PTK2B: variants seen among roughly 807,000 people sequenced by gnomAD.
PTK2B encodes protein tyrosine kinase 2 beta.
A neutral mutation model predicts 142.9 loss-of-function variants in PTK2B; 71 were observed. The ratio of observed to expected loss-of-function variants is 0.50; its 90% CI spans 0.41 to 0.61. PTK2B has a LOEUF of 0.61. Ranked by LOEUF, PTK2B falls within the 20% of genes least tolerant of loss-of-function variation. PTK2B has a pLI of 0.00. For synonymous variants in PTK2B, 519 were observed against 503.4 expected (o/e 1.03, Z -0.42); for missense variants, 1,105 against 1,320.4 (o/e 0.84, Z 2.53).
chr8:27,376,510 A>C (rs1297395728), intron 1 of PTK2B, among the ~76,000 whole-genome samples: 1 of 152,222 alleles, frequency 6.6e-6, no homozygotes, highest in Admixed American at 6.5e-5. Flanking sequence ...AATGAGGCTG[A>C]GACCTATTGT....
At chr8:27,330,831 C>CT (rs1312663998) in intron 1 of PTK2B, among the ~76,000 whole-genome samples, 2 of 152,188 alleles carry the variant, frequency 1.3e-5, no homozygotes, top group Admixed American at 1.3e-4. Context: ...CACAGGGGGC[C>CT]TGCAGGGGTG....
intron 1 of PTK2B, among the ~76,000 whole-genome samples, chr8:27,329,442 G>A (rs190203773): frequency 6.6e-6 from 1 of 152,246 alleles, no homozygotes; most frequent in East Asian, 1.9e-4. Context: ...AACTGATGGT[G>A]AGGCTAGGGA....
At chr8:27,327,093 G>A (rs559964174) in intron 1 of PTK2B, among the ~76,000 whole-genome samples, 1 of 152,242 alleles carries the variant, frequency 6.6e-6, no homozygotes, top group South Asian at 2.1e-4. Flanking sequence ...AAGAGAAGAG[G>A]GGAAAGAACA....
At chr8:27,319,886 A>T (rs2130607224) in intron 3 of PTK2B, among the ~76,000 whole-genome samples, 1 of 152,212 alleles carries the variant, frequency 6.6e-6, no homozygotes, top group African/African-American at 2.4e-5. Context: ...AACGCTGCAT[A>T]TTTCTCTGTA....
upstream of PTK2B, among the ~76,000 whole-genome samples, chr8:27,323,957 CTTGA>C (rs1221895123): frequency 1.4e-4 from 22 of 152,144 alleles, no homozygotes; most frequent in Non-Finnish European, 2.8e-4. Context: ...TTAAACAGGT[CTTGA>C]TTGTCTTTGC....
intron 14 of PTK2B, 34 bp downstream of exon 14, chr8:27,435,827 C>T: frequency 1.2e-6 from 2 of 1,604,560 alleles, no homozygotes; most frequent in Non-Finnish European, 8.5e-7. Flanking sequence ...CGACCGTAGT[C>T]AAGGCCCTGT....
chr8:27,366,762 A>G (rs2130854951), intron 1 of PTK2B, among the ~76,000 whole-genome samples: 1 of 152,192 alleles, frequency 6.6e-6, no homozygotes, highest in South Asian at 2.1e-4. Flanking sequence ...ACCAGCTCTG[A>G]GACTCCCACT....
intron 2 of PTK2B, among the ~76,000 whole-genome samples, chr8:27,407,550 A>G (rs1026918465): frequency 3.3e-5 from 5 of 151,992 alleles, no homozygotes; most frequent in African/African-American, 1.2e-4. Flanking sequence ...TTCTTCAGGG[A>G]TTGCTTCCTT....
chr8:27,371,137 C>T (rs1195617820), intron 1 of PTK2B, among the ~76,000 whole-genome samples: 2 of 152,152 alleles, frequency 1.3e-5, no homozygotes, highest in African/African-American at 4.8e-5. Context: ...TCAAGTGATA[C>T]ACCCGCCTCA....
At chr8:27,336,030 C>T (rs1804041388) in intron 1 of PTK2B, among the ~76,000 whole-genome samples, 1 of 152,036 alleles carries the variant, frequency 6.6e-6, no homozygotes, top group Non-Finnish European at 1.5e-5. Context: ...GTGAGGTGCT[C>T]ATTGTGTATG....
intron 1 of PTK2B, among the ~76,000 whole-genome samples, chr8:27,354,152 T>C (rs1228365914): frequency 6.6e-6 from 1 of 152,182 alleles, no homozygotes; most frequent in Non-Finnish European, 1.5e-5. Context: ...TGGTGGCTAA[T>C]GGTGTCTGAG....
chr8:27,433,590 G>A, intron 11 of PTK2B, 38 bp downstream of exon 11: 3 of 1,550,422 alleles, frequency 1.9e-6, no homozygotes, highest in South Asian at 1.1e-5. Flanking sequence ...TGGACCACGG[G>A]TGGCAGCACA....
Position 27,422,391 on chromosome 8 carries a change from G to A in PTK2B, c.551+8G>A. 1 of 1,605,904 alleles carries A rather than the reference G, an allele frequency of 6.2e-7. No homozygotes were observed. Among genetic ancestry groups the A allele is most frequent in the Non-Finnish European group, 8.5e-7 (1 of 1,175,852 alleles). The stretch of plus-strand genomic sequence containing the variant: ...GGGCTGCCTGGAGCTCAGGTATGTG[G>A]CCCTGAGGCCTCTGCTGGGAGGGCG... On this transcript the variant is annotated splice_region_variant and intron_variant, in intron 5 of 30. Transcript: ENST00000346049.
chr8:27,423,929 G>C (rs1469994942), intron 5 of PTK2B, among the ~76,000 whole-genome samples: 3 of 152,288 alleles, frequency 2.0e-5, no homozygotes, highest in Middle Eastern at 3.4e-3. Context: ...GGTCCCTGCA[G>C]CTGCTTAGAA....
chr8:27,337,113 G>A (rs530752190), intron 1 of PTK2B, among the ~76,000 whole-genome samples: 2 of 151,862 alleles, frequency 1.3e-5, no homozygotes, highest in South Asian at 4.2e-4. Flanking sequence ...GTTTTAGTAC[G>A]TTCACAGAGT....
chr8:27,420,034 A>G lies in PTK2B; in HGVS notation c.344A>G (p.Gln115Arg). 1 of 1,614,208 alleles carries G rather than the reference A, an allele frequency of 6.2e-7. No individual in the cohort carries two copies. Among genetic ancestry groups the G allele is most frequent in the Non-Finnish European group, 8.5e-7 (1 of 1,180,032 alleles). The change falls in exon 3 of 31, where the codon CAG becomes CGG. Residue 115 changes from glutamine to arginine, a missense_variant. Transcript: ENST00000346049. ...LHPQMTVGEV[Q>R]DKYECLHVEA... Reference sequence around the variant, plus strand: ...CCACAGATGACGGTGGGTGAGGTGCAGGACAAGTATGAGTGTCTGCACGTG... The same window carrying G: ...CCACAGATGACGGTGGGTGAGGTGCGGGACAAGTATGAGTGTCTGCACGTG...
intron 10 of PTK2B, 105 bp downstream of exon 10, chr8:27,432,466 G>C: frequency 9.8e-7 from 1 of 1,018,426 alleles, no homozygotes; most frequent in Non-Finnish European, 1.4e-6. Flanking sequence ...AGGAAGCCAG[G>C]AGCTTCCTGG....
chr8:27,414,117 A>G (rs1809234044), intron 2 of PTK2B, among the ~76,000 whole-genome samples: 1 of 152,210 alleles, frequency 6.6e-6, no homozygotes, highest in Non-Finnish European at 1.5e-5. Context: ...TTCCAGGCAC[A>G]TCTTGTACTT....
intron 5 of PTK2B, among the ~76,000 whole-genome samples, chr8:27,422,621 T>C (rs1007049389): frequency 3.9e-5 from 6 of 152,218 alleles, no homozygotes; most frequent in African/African-American, 7.2e-5. Context: ...TTGCTGCCAC[T>C]GCTCTTGCCT....
Sources: allele counts gnomAD v4.1 joint callset (sites outside exome capture counted in the v4.1 genomes callset), GRCh38; gene constraint gnomAD v4.1.1; transcripts MANE v1.5; gene names NCBI Gene and HGNC (gene_info 2026-07-23, HGNC 2026-07-21).